The following HECTD4 variants were observed in gnomAD, a reference collection of about 807,000 sequenced individuals.
HECTD4 encodes HECT domain E3 ubiquitin protein ligase 4, also known as probable E3 ubiquitin-protein ligase HECTD4.
HECTD4 carries 114 observed loss-of-function variants against 471.5 expected under a neutral mutation model. The observed-to-expected ratio is 0.24, with a 90% CI of 0.21 to 0.28. HECTD4 has a LOEUF of 0.28. HECTD4 is among the 10% of genes least tolerant of loss of function. HECTD4 has a pLI of 1.00. For synonymous variants in HECTD4, 2,012 were observed against 2,256.0 expected, an observed-to-expected ratio of 0.89 and a Z score of 3.07; for missense variants, 3,866 against 5,651.5, an observed-to-expected ratio of 0.68 and a Z score of 10.13.
rs199499405 is a variant in HECTD4, at chr12:112,270,363, T to C, written c.2039A>G (p.Asn680Ser). 2.6e-5 allele frequency: 42 copies of C among 1,613,836 alleles called. No homozygotes were observed. Among genetic ancestry groups the C allele is most frequent in the East Asian group, 6.7e-5 (3 of 44,896 alleles). ...HQLNLLATNP[N>S]LPITSVLGKQ... is the part of the protein sequence containing the mutation. ...GCCCAAGACACTTGTGATTGGAAGA[T>C]TGGGGTTGGTGGCAAGAAGATTGAG... Residue 680 changes from asparagine (N) to serine (S), a missense_variant, in exon 12 of 76, where the codon AAT becomes AGT. Asn to Ser is a conservative substitution (Grantham distance 46). Around this residue, in one of 16 missense-constraint regions of HECTD4, gnomAD observed 525 missense variants for 672.6 expected, o/e 0.78. Transcript: ENST00000682272.
chr12:112,297,102 G>T, intron 7 of HECTD4, among the ~76,000 whole-genome samples: 1 of 151,008 alleles, frequency 6.6e-6, no homozygotes, highest in Non-Finnish European at 1.5e-5. Context: ...GGTGCAGAGG[G>T]TGTAGGTGCT....
chr12:112,219,322 G>C, intron 45 of HECTD4, 64 bp downstream of exon 45: 1 of 1,184,858 alleles, frequency 8.4e-7, no homozygotes, highest in Non-Finnish European at 1.2e-6. Context: ...TTAACTTGCT[G>C]CTGGCCTTAC....
At chr12:112,362,728 G>A (rs1439607964) in intron 1 of HECTD4, among the ~76,000 whole-genome samples, 2 of 150,566 alleles carry the variant, frequency 1.3e-5, no homozygotes, top group African/African-American at 4.9e-5. Context: ...TTTTGAGATG[G>A]GGTCTCATTC....
intron 27 of HECTD4, 60 bp downstream of exon 27, chr12:112,248,004 ACAG>A (rs1221148582): frequency 2.6e-5 from 29 of 1,136,032 alleles, no homozygotes; most frequent in Non-Finnish European, 3.8e-5. Flanking sequence ...ACACACACAC[ACAG>A]TATATACCTT....
In HECTD4 at chr12:112,319,965, T is replaced by C. The variant is rs941309989; in HGVS notation, c.178-223A>G. On this transcript the variant is annotated intron_variant, in intron 1 of 75. Transcript: ENST00000682272. This position sits in a 1 kb window ranked among gnomAD's most constrained non-coding sequence, Gnocchi z 5.3. ...CCATGAAAATTGGGATTAGACCTAA[T>C]TGAAAGAGCCCAAATCATAAAAGAA... Among the ~76,000 whole-genome samples the C allele has an allele frequency of 3.9e-5, 6 of 152,332 alleles. No homozygotes were observed. The highest frequency in any genetic ancestry group is 1.2e-4 in the African/African-American group (5 of 41,578).
chr12:112,248,176 T>A lies in HECTD4; in HGVS notation c.4144-5A>T. The A allele has an allele frequency of 6.2e-7, 1 of 1,606,120 alleles. No homozygotes were observed. The highest frequency in any genetic ancestry group is 8.5e-7 in the Non-Finnish European group (1 of 1,174,900). On this transcript the variant is annotated splice_polypyrimidine_tract_variant and splice_region_variant and intron_variant, in intron 26 of 75. Transcript: ENST00000682272. ...TTGTTCCAGTTCTGCAACACTCTAA[T>A]AAATACATTAAAATAGATGCAAAAT...
chr12:112,243,616 G>A lies in HECTD4; in HGVS notation c.4791+4C>T, dbSNP rs147699244. 6.0e-3 allele frequency: 9,679 copies of A among 1,609,224 alleles called. 103 individuals are homozygous for A. The highest frequency in any genetic ancestry group is 0.026 in the South Asian group (2,371 of 90,362). On this transcript the variant is annotated splice_donor_region_variant and intron_variant, in intron 31 of 75. Coordinates refer to ENST00000682272, the MANE Select transcript of HECTD4 (RefSeq NM_001388303.1). The surrounding 1 kb of genome is among the most constrained non-coding windows in gnomAD (Gnocchi z 6.6). Reference sequence around the variant, plus strand: ...TCATCTGGAGCCCGCAAAATGTGACGTACAGCTTGGTCAGGGTTGGTGCCG... The same window carrying A: ...TCATCTGGAGCCCGCAAAATGTGACATACAGCTTGGTCAGGGTTGGTGCCG...
intron 1 of HECTD4, among the ~76,000 whole-genome samples, chr12:112,362,550 C>T (rs141365741): frequency 2.0e-5 from 3 of 152,208 alleles, no homozygotes; most frequent in South Asian, 2.1e-4. Context: ...AATCTGCCTA[C>T]GCATCACTCA....
At chr12:112,209,968 T>C (rs11611847) in intron 50 of HECTD4, 47 bp downstream of exon 50, 99,902 of 1,445,144 alleles carry the variant, frequency 0.069, 3,942 homozygotes, top group South Asian at 0.091. Flanking sequence ...ATAACATTCA[T>C]GGTCTCAGGA....
In HECTD4 at chr12:112,200,716, T is replaced by C; in HGVS notation, c.8489A>G (p.Glu2830Gly). 6.2e-7 allele frequency: 1 copy of C among 1,613,986 alleles called. No individual in the cohort carries two copies. Reference sequence around the variant, plus strand: ...CCTTCGGTAGCCTGCTGGGGGCCTTTCCAACATGTCAATAGGATACCAGTA... The same window carrying C: ...CCTTCGGTAGCCTGCTGGGGGCCTTCCCAACATGTCAATAGGATACCAGTA... ...VRYWYPIDML[E>G]RPPAGYRRTA... The change falls in exon 55 of 76, where the codon GAA becomes GGA. Residue 2830 changes from glutamate to glycine, a missense_variant. Glu to Gly is a moderately conservative substitution (Grantham distance 98, BLOSUM62 -2). Coordinates refer to ENST00000682272, the MANE Select transcript of HECTD4 (RefSeq NM_001388303.1).
intron 49 of HECTD4, among the ~76,000 whole-genome samples, chr12:112,211,738 G>A (rs1403031858): frequency 6.6e-6 from 1 of 152,188 alleles, no homozygotes; most frequent in African/African-American, 2.4e-5. Context: ...AGAAAAAAGA[G>A]GAGTCAAGGA....
chr12:112,245,655 C>A (rs886783311), intron 29 of HECTD4, among the ~76,000 whole-genome samples: 2 of 152,230 alleles, frequency 1.3e-5, no homozygotes, highest in Admixed American at 6.5e-5. Context: ...TTTGCCTGCT[C>A]TCTACTGCCC....
chr12:112,256,757 A>T (rs2034019960), intron 20 of HECTD4: 1 of 317,382 alleles, frequency 3.2e-6, no homozygotes, highest in South Asian at 1.5e-4. Flanking sequence ...TTTTTCCAGG[A>T]CAAGAAGCAG....
intron 17 of HECTD4, 25 bp from the exon 18 acceptor site, chr12:112,261,454 AT>A: frequency 6.3e-7 from 1 of 1,580,780 alleles, no homozygotes; most frequent in Non-Finnish European, 8.7e-7. Flanking sequence ...TCATCATATT[AT>A]TTTTAAGCTT....
chr12:112,372,362 C>T (rs1473091251), intron 1 of HECTD4, among the ~76,000 whole-genome samples: 2 of 152,060 alleles, frequency 1.3e-5, no homozygotes, highest in East Asian at 1.9e-4. Flanking sequence ...TGGGTTCACG[C>T]CGTTCTCCTG....
intron 41 of HECTD4, among the ~76,000 whole-genome samples, chr12:112,229,158 C>T (rs2033312991): frequency 6.6e-6 from 1 of 152,094 alleles, no homozygotes; most frequent in African/African-American, 2.4e-5. Flanking sequence ...GAAATCCCAT[C>T]TCTATTAAAA....
chr12:112,380,904 G>T (rs1431029192), intron 1 of HECTD4, among the ~76,000 whole-genome samples: 1 of 152,068 alleles, frequency 6.6e-6, no homozygotes, highest in Non-Finnish European at 1.5e-5. Context: ...ACGCAAAACC[G>T]CAAAACACAA....
At chr12:112,169,011 G>A (rs2031101260) in intron 70 of HECTD4, among the ~76,000 whole-genome samples, 2 of 152,200 alleles carry the variant, frequency 1.3e-5, no homozygotes, top group South Asian at 4.1e-4. Flanking sequence ...TCCTTCCAGT[G>A]TGCCCGGCTG....
At chr12:112,326,310 C>T (rs1265451497) in intron 1 of HECTD4, among the ~76,000 whole-genome samples, 2 of 152,052 alleles carry the variant, frequency 1.3e-5, no homozygotes, top group East Asian at 1.9e-4. Flanking sequence ...GCCTGAGCAA[C>T]ATGGCAAGAC....
Sources: gnomAD v4.1 joint callset for allele counts (sites outside exome capture counted in the v4.1 genomes callset) on GRCh38, gnomAD v4.1.1 for gene constraint, gnomAD v4.1.1 regional missense constraint, Gnocchi (gnomAD v3.1) non-coding constraint, MANE v1.5 for transcripts, NCBI Gene and HGNC (gene_info 2026-07-23, HGNC 2026-07-21) for gene names.